MMP28: variants seen among roughly 807,000 people sequenced by gnomAD.
The protein encoded by MMP28 is matrix metalloproteinase-28.
MMP28 carries 55 observed loss-of-function variants against 60.5 expected under a neutral mutation model. The observed-to-expected ratio is 0.91, with a 90% CI of 0.73 to 1.14. The LOEUF is 1.14. Among genes scored for constraint, MMP28 ranks in the 50% most tolerant of loss-of-function variants. The pLI is 0.00. For missense variants in MMP28, 686 were observed against 738.3 expected (o/e 0.93, Z 0.82); for synonymous variants, 318 against 312.5 (o/e 1.02, Z -0.18).
chr17:35,767,646 C>G, intron 7 of MMP28, 106 bp downstream of exon 7: 1 of 1,342,790 alleles, frequency 7.4e-7, no homozygotes, highest in Non-Finnish European at 1.0e-6. Flanking sequence ...GAGACTCCAC[C>G]ATGGACTCGT....
At chr17:35,774,905 C>T (rs1041257753) in intron 3 of MMP28, among the ~76,000 whole-genome samples, 1 of 152,222 alleles carries the variant, frequency 6.6e-6, no homozygotes, top group African/African-American at 2.4e-5. Flanking sequence ...TCAATGGGCG[C>T]TGGGCTCTTT....
intron 1 of MMP28, among the ~76,000 whole-genome samples, chr17:35,792,430 A>G (rs2086840835): frequency 6.6e-6 from 1 of 152,228 alleles, no homozygotes; most frequent in African/African-American, 2.4e-5. Context: ...GCCAACAGCC[A>G]GCATCGACTG....
chr17:35,794,281 T>C (rs1001456651), intron 1 of MMP28, among the ~76,000 whole-genome samples: 12 of 148,322 alleles, frequency 8.1e-5, no homozygotes, highest in Non-Finnish European at 1.0e-4. Flanking sequence ...AGTCTCACTC[T>C]GTCGCCCAGG....
At chr17:35,764,328 G>A, downstream of MMP28, 1 of 1,469,790 alleles carries the variant, frequency 6.8e-7, no homozygotes, top group East Asian at 2.6e-5. Context: ...ACCGACAGGT[G>A]CCTGCGCGCT....
intron 3 of MMP28, chr17:35,778,645 T>C: frequency 1.1e-6 from 1 of 897,774 alleles, no homozygotes. Flanking sequence ...TACATGGGTT[T>C]TGTGTTTGAT....
chr17:35,762,980 G>A (rs2085852133), downstream of MMP28, among the ~76,000 whole-genome samples: 2 of 152,192 alleles, frequency 1.3e-5, no homozygotes, highest in East Asian at 1.9e-4. Context: ...AAATTAGCTG[G>A]GCGTGGTGGC....
chr17:35,795,501 T>A lies in MMP28; in HGVS notation c.-124A>T, dbSNP rs2143679254. 1.6e-6 allele frequency: 1 copy of A among 619,946 alleles called. No individual in the cohort carries two copies. The highest frequency in any genetic ancestry group is 2.4e-6 in the Non-Finnish European group (1 of 413,624). 38.4% of individuals were successfully genotyped at this position (619,946 alleles called of 1,614,324 possible). A position where few individuals can be genotyped will look rare whatever the true frequency, so the allele number is the denominator to read the frequency against. ...GCGCCGCCCCCGCACGGAGAGGGAC[T>A]GTCCCGGGGTTTCGCCAGTGCCCTA... On this transcript the variant is annotated 5_prime_UTR_variant, in exon 1 of 8. Coordinates refer to ENST00000605424, the MANE Select transcript of MMP28 (RefSeq NM_024302.5).
chr17:35,763,109 G>A (rs782264817), downstream of MMP28, among the ~76,000 whole-genome samples: 13 of 145,348 alleles, frequency 8.9e-5, no homozygotes, highest in Non-Finnish European at 1.8e-4. Context: ...GCGACAGAGC[G>A]AGACTCCGTC....
At chr17:35,765,427 G>C (rs1419616193), downstream of MMP28, among the ~76,000 whole-genome samples, 2 of 152,228 alleles carry the variant, frequency 1.3e-5, no homozygotes, top group African/African-American at 4.8e-5. Context: ...TGGCATGGGT[G>C]GAGGCAGAAG....
intron 2 of MMP28, among the ~76,000 whole-genome samples, chr17:35,759,275 T>C (rs1408328917): frequency 5.3e-5 from 8 of 152,198 alleles, no homozygotes; most frequent in African/African-American, 1.9e-4. Context: ...GAGCCTTTTG[T>C]GTTTATGCAT....
At chr17:35,771,454 A>G (rs1555605655) in intron 4 of MMP28, among the ~76,000 whole-genome samples, 1 of 146,822 alleles carries the variant, frequency 6.8e-6, no homozygotes, top group Non-Finnish European at 1.5e-5. Flanking sequence ...AAAAAAAAGA[A>G]TTACTTTCAA....
At chr17:35,764,196 T>G (rs367574463), downstream of MMP28, 1 of 1,547,890 alleles carries the variant, frequency 6.5e-7, no homozygotes, top group Non-Finnish European at 8.7e-7. Flanking sequence ...CGGCGCTCAG[T>G]GTCCTACTGC....
chr17:35,760,930 G>A (rs782410687), downstream of MMP28: 2 of 1,613,704 alleles, frequency 1.2e-6, no homozygotes. Flanking sequence ...GCAGGGCACA[G>A]CCTTGGGAAG....
rs763590338 is a variant in MMP28, at chr17:35,779,067, T to C, written c.200A>G (p.Gln67Arg). The change falls in exon 3 of 8, where the codon CAG becomes CGG. Residue 67 changes from glutamine (Q) to arginine (R), a missense_variant. By Grantham distance (43) the Gln-to-Arg change is conservative. Coordinates refer to ENST00000605424, the MANE Select transcript of MMP28 (RefSeq NM_024302.5). Reference protein sequence around the residue: ...TRFSDAIRAFQWVSQLPVSGV... With the variant: ...TRFSDAIRAFRWVSQLPVSGV... ...GCTGACAGGTAGCTGGGACACCCACTGAAACGCTCTGTCAGGAGGAAAGGA... is the reference window on the plus strand; with the variant it reads ...GCTGACAGGTAGCTGGGACACCCACCGAAACGCTCTGTCAGGAGGAAAGGA... The C allele has an allele frequency of 6.2e-7, 1 of 1,613,828 alleles. No individual in the cohort carries two copies. Among genetic ancestry groups the C allele is most frequent in the Non-Finnish European group, 8.5e-7 (1 of 1,179,818 alleles).
rs193161964 is a variant in MMP28, at chr17:35,778,355, A to G, written c.379+533T>C. On this transcript the variant is annotated intron_variant, in intron 3 of 7. Transcript: ENST00000605424. The stretch of plus-strand genomic sequence containing the variant: ...CATGGGGTTTCTTTTCAGGGTGATG[A>G]AATGTTCTGGAATTAGATTGTGGTA... 23 of 161,774 alleles carry G rather than the reference A, an allele frequency of 1.4e-4. No homozygotes were observed. In the East Asian group the frequency reaches 4.0e-3, roughly 28 times the overall value. 10.0% of individuals were successfully genotyped at this position (161,774 alleles called of 1,614,324 possible).
downstream of MMP28, among the ~76,000 whole-genome samples, chr17:35,761,329 G>A (rs587704336): frequency 4.0e-5 from 6 of 151,532 alleles, no homozygotes; most frequent in South Asian, 2.1e-4. Context: ...CAGGCTGGTC[G>A]CGAACTCCTG....
chr17:35,771,756 A>AT (rs1568151512), intron 4 of MMP28, among the ~76,000 whole-genome samples: 16 of 80,916 alleles, frequency 2.0e-4, no homozygotes, highest in Non-Finnish European at 3.6e-4. Context: ...TATATATATA[A>AT]AATTGTGTTC....
In MMP28 at chr17:35,765,927, G is replaced by A. The variant is rs2085925274; in HGVS notation, c.*573C>T. On this transcript the variant is annotated 3_prime_UTR_variant, in exon 8 of 8. Coordinates refer to ENST00000605424, the MANE Select transcript of MMP28 (RefSeq NM_024302.5). ...TATTCCAGCCCCAGACAAAAAGCCA[G>A]GGACTGGTAGGCCTGCATCAGTCTC... 3 of 985,290 alleles carry A rather than the reference G, an allele frequency of 3.0e-6. No individual in the cohort carries two copies. Among genetic ancestry groups the A allele is most frequent in the South Asian group, 4.7e-5 (1 of 21,288 alleles). The allele number at this position is 985,290 out of a possible 1,614,324, so 61.0% of individuals were successfully genotyped here.
intron 1 of MMP28, among the ~76,000 whole-genome samples, chr17:35,784,195 T>A (rs1568187743): frequency 6.6e-6 from 1 of 150,956 alleles, no homozygotes; most frequent in Non-Finnish European, 1.5e-5. Flanking sequence ...GGCAGGAGAA[T>A]CGCTGGAACC....
Sources: gnomAD v4.1 joint callset for allele counts (sites outside exome capture counted in the v4.1 genomes callset) on GRCh38, gnomAD v4.1.1 for gene constraint, MANE v1.5 for transcripts, NCBI Gene and HGNC (gene_info 2026-07-23, HGNC 2026-07-21) for gene names.